EXOC4: variants seen among roughly 807,000 people sequenced by gnomAD.
EXOC4 encodes exocyst complex component 4.
Under a neutral mutation model 107.2 loss-of-function variants are expected in EXOC4, and 71 were observed. The ratio of observed to expected loss-of-function variants is 0.66; its 90% CI spans 0.55 to 0.81. The LOEUF is 0.81. EXOC4 is among the 30% of genes least tolerant of loss of function. EXOC4 has a pLI of 0.00. For synonymous variants in EXOC4, 456 were observed against 441.2 expected (o/e 1.03, Z -0.42); for missense variants, 1,108 against 1,189.6 (o/e 0.93, Z 1.01).
chr7:133,337,169 ATATTT>A lies in EXOC4; in HGVS notation c.764-19155_764-19151del, dbSNP rs370476541. ...ATGTTGTGTTGAATTCTATTTGTTA[ATATTT>A]TATTTAGTATTTTTGCATTGATGTT... On this transcript the variant is annotated intron_variant, in intron 5 of 17. Coordinates refer to ENST00000253861, the MANE Select transcript of EXOC4 (RefSeq NM_021807.4). 4.7e-4 allele frequency among the ~76,000 whole-genome samples: 71 copies of A among 152,190 alleles called. No homozygotes were observed. In the East Asian group the frequency reaches 0.012, roughly 25 times the overall value.
chr7:133,395,785 A>G (rs974902207), intron 7 of EXOC4, among the ~76,000 whole-genome samples: 1 of 152,208 alleles, frequency 6.6e-6, no homozygotes, highest in Non-Finnish European at 1.5e-5. Flanking sequence ...TTTGTACAGA[A>G]TAAACTTGTG....
chr7:133,994,757 TTGTGTG>T (rs68167254), intron 14 of EXOC4, among the ~76,000 whole-genome samples: 54 of 148,572 alleles, frequency 3.6e-4, no homozygotes, highest in East Asian at 6.0e-4. Flanking sequence ...GTACAAGGTT[TTGTGTG>T]TGTGTGTGTG....
At chr7:133,896,640 TTTTATTTTA>T (rs992759613) in intron 12 of EXOC4, among the ~76,000 whole-genome samples, 1 of 148,438 alleles carries the variant, frequency 6.7e-6, no homozygotes, top group African/African-American at 2.5e-5. Context: ...TTGCCCCCTA[TTTTATTTTA>T]TTTATTTTAT....
chr7:133,576,663 A>T (rs1215041807), intron 9 of EXOC4: 6 of 1,289,664 alleles, frequency 4.7e-6, no homozygotes, highest in Non-Finnish European at 6.1e-6. Context: ...AAAAAGAAAC[A>T]ATCAGAAGTG....
intron 11 of EXOC4, among the ~76,000 whole-genome samples, chr7:133,840,430 G>A (rs1798001906): frequency 1.3e-5 from 2 of 152,174 alleles, no homozygotes; most frequent in South Asian, 4.1e-4. Context: ...GAAGGGAGAA[G>A]ATTTTGATTG....
chr7:133,315,717 A>G (rs1794976572), intron 4 of EXOC4, among the ~76,000 whole-genome samples: 2 of 152,192 alleles, frequency 1.3e-5, no homozygotes, highest in Middle Eastern at 3.2e-3. Context: ...ATTGGTAGAA[A>G]AGAGTTGTTG....
intron 5 of EXOC4, among the ~76,000 whole-genome samples, chr7:133,344,992 A>C (rs1192066466): frequency 6.6e-6 from 1 of 152,118 alleles, no homozygotes; most frequent in Non-Finnish European, 1.5e-5. Context: ...TCCCGAGGAC[A>C]TGGTTTTTGT....
In EXOC4 at chr7:133,588,561, C is replaced by A. The variant is rs1342618402; in HGVS notation, c.1418-41484C>A. ...TGAAGACTTACCACTTTTTGGCCTTCTTTTCAGCTTTTTGGGTGTAATTCT... is the reference window on the plus strand; with the variant it reads ...TGAAGACTTACCACTTTTTGGCCTTATTTTCAGCTTTTTGGGTGTAATTCT... On this transcript the variant is annotated intron_variant, in intron 9 of 17. Transcript: ENST00000253861. Among the ~76,000 whole-genome samples, 3 of 151,986 alleles carry A rather than the reference C, an allele frequency of 2.0e-5. No individual in the cohort carries two copies. The South Asian group carries it at 6.2e-4, about 32-fold the overall frequency.
At chr7:133,292,007 C>G (rs866374052) in intron 3 of EXOC4, among the ~76,000 whole-genome samples, 58 of 152,254 alleles carry the variant, frequency 3.8e-4, no homozygotes, top group African/African-American at 1.3e-3. Flanking sequence ...CTTTATAATA[C>G]ATCTTGATAG....
At chr7:133,286,829 C>T (rs1263466578) in intron 2 of EXOC4, among the ~76,000 whole-genome samples, 1 of 152,182 alleles carries the variant, frequency 6.6e-6, no homozygotes, top group East Asian at 1.9e-4. Flanking sequence ...GTTTTCTGTG[C>T]AGTGTCTCAT....
intron 1 of EXOC4, among the ~76,000 whole-genome samples, chr7:133,272,183 AGAT>A (rs1461923986): frequency 6.6e-6 from 1 of 152,164 alleles, no homozygotes; most frequent in Non-Finnish European, 1.5e-5. Context: ...TTCACTTTAT[AGAT>A]GAGCAAAATG....
intron 10 of EXOC4, among the ~76,000 whole-genome samples, chr7:133,765,869 A>G (rs906761386): frequency 1.3e-5 from 2 of 152,022 alleles, no homozygotes; most frequent in Non-Finnish European, 2.9e-5. Flanking sequence ...TATGACTTCT[A>G]GATGACTTGC....
At chr7:133,583,294 G>A (rs1256963098) in intron 9 of EXOC4, among the ~76,000 whole-genome samples, 1 of 152,008 alleles carries the variant, frequency 6.6e-6, no homozygotes, top group Admixed American at 6.5e-5. Flanking sequence ...ATATTACTCC[G>A]ATAATCTCTT....
intron 7 of EXOC4, among the ~76,000 whole-genome samples, chr7:133,392,485 G>A (rs2150718465): frequency 6.6e-6 from 1 of 152,256 alleles, no homozygotes; most frequent in East Asian, 1.9e-4. Context: ...TAGGGTCAGT[G>A]TCTTCTTCAG....
At chr7:133,673,173 T>C (rs1233175004) in intron 10 of EXOC4, among the ~76,000 whole-genome samples, 1 of 152,180 alleles carries the variant, frequency 6.6e-6, no homozygotes, top group Non-Finnish European at 1.5e-5. Context: ...AACATCTGCT[T>C]AGCTCTGGAC....
At chr7:133,259,668 A>G (rs1352374049) in intron 1 of EXOC4, among the ~76,000 whole-genome samples, 1 of 152,232 alleles carries the variant, frequency 6.6e-6, no homozygotes, top group African/African-American at 2.4e-5. Context: ...AACCGTGAAG[A>G]TGAAAGTAAG....
chr7:134,051,252 G>A (rs1281216445), intron 17 of EXOC4, among the ~76,000 whole-genome samples: 1 of 152,220 alleles, frequency 6.6e-6, no homozygotes, highest in African/African-American at 2.4e-5. Flanking sequence ...AAGACTTTCA[G>A]AAGCAGAGAG....
chr7:133,612,044 TG>T (rs1372708825), intron 9 of EXOC4, among the ~76,000 whole-genome samples: 2 of 152,172 alleles, frequency 1.3e-5, no homozygotes. Context: ...GGTGAATGTT[TG>T]GTGCTTCCCT....
At position 134,064,549 on chromosome 7, in the gene EXOC4, G is replaced by T. The variant is rs771009896; in HGVS notation, c.*21G>T. 51 of 1,514,920 alleles carry T rather than the reference G, an allele frequency of 3.4e-5. No homozygotes were observed. The Admixed American group carries it at 7.4e-4, about 22-fold the overall frequency. The allele number at this position is 1,514,920 out of a possible 1,614,324, so 93.8% of individuals were successfully genotyped here. ...TTTAGCAGGGCGTACTGCGGTTGGT[G>T]ACGGGGGTCCCCTCAGTCACACTCA... On this transcript the variant is annotated 3_prime_UTR_variant, in exon 18 of 18. Transcript: ENST00000253861.
Sources: gnomAD v4.1 joint callset for allele counts (sites outside exome capture counted in the v4.1 genomes callset) on GRCh38, gnomAD v4.1.1 for gene constraint, MANE v1.5 for transcripts, NCBI Gene and HGNC (gene_info 2026-07-23, HGNC 2026-07-21) for gene names.